The following OSBPL3 variants were observed in gnomAD, a reference collection of about 807,000 sequenced individuals.
The protein encoded by OSBPL3 is oxysterol binding protein like 3.
In OSBPL3, 65 loss-of-function variants were observed where a neutral mutation model predicts 120.1. That is an observed-to-expected ratio of 0.54 (90% CI 0.44 to 0.67). OSBPL3 has a LOEUF of 0.67. OSBPL3 is among the 30% of genes least tolerant of loss of function. The pLI, the probability that OSBPL3 is intolerant of heterozygous loss-of-function variation, is 0.00. For synonymous variants in OSBPL3, 416 were observed against 402.6 expected (o/e 1.03, Z -0.40); for missense variants, 1,004 against 1,082.1 (o/e 0.93, Z 1.01).
In OSBPL3 at chr7:24,980,154, C is replaced by G. The variant is rs568843917; in HGVS notation, c.-418G>C. ...GGGCGCCACCAGCACGCGGCCAGTT[C>G]TGAGTACTTTGCCCAGAACTTCTCG... On this transcript the variant is annotated 5_prime_UTR_variant, in exon 1 of 23. Transcript: ENST00000313367. 2 of 581,624 alleles carry G rather than the reference C, an allele frequency of 3.4e-6. No homozygotes were observed. Among genetic ancestry groups the G allele is most frequent in the African/African-American group, 4.0e-5 (2 of 49,672 alleles). The allele number at this position is 581,624 out of a possible 1,614,324, so 36.0% of individuals were successfully genotyped here.
intron 1 of OSBPL3, among the ~76,000 whole-genome samples, chr7:24,948,611 TC>T (rs1814024720): frequency 6.6e-6 from 1 of 152,236 alleles, no homozygotes; most frequent in South Asian, 2.1e-4. Context: ...GATGTCTCCA[TC>T]TTTTCTTTGA....
intron 2 of OSBPL3, among the ~76,000 whole-genome samples, chr7:24,886,105 A>G (rs185165357): frequency 6.6e-4 from 101 of 152,282 alleles, no homozygotes; most frequent in Non-Finnish European, 1.1e-3. Flanking sequence ...ATGTTTATTC[A>G]TTCATTAATT....
rs575232633 is a variant in OSBPL3 at position 24,872,902 on chromosome 7, A to C, written c.97-833T>G. ...ATTGCTAATCACCCCAAGATAAACC[A>C]AAAGTAGCAATACTTCAGTGACTGG... On this transcript the variant is annotated intron_variant, in intron 2 of 22. Transcript: ENST00000313367. This position sits in a 1 kb window ranked among gnomAD's most constrained non-coding sequence, Gnocchi z 4.1. Among the ~76,000 whole-genome samples, 6 of 152,336 alleles carry C rather than the reference A, an allele frequency of 3.9e-5. No individual in the cohort carries two copies. The highest frequency in any genetic ancestry group is 8.8e-5 in the Non-Finnish European group (6 of 68,018).
chr7:24,807,517 T>TAAC (rs1562753397), intron 20 of OSBPL3, among the ~76,000 whole-genome samples: 6 of 151,268 alleles, frequency 4.0e-5, no homozygotes, highest in East Asian at 1.9e-4. Context: ...ATAATAATAA[T>TAAC]AACAACAATA....
In OSBPL3 at chr7:24,967,325, T is replaced by C. The variant is rs185106106; in HGVS notation, c.-150+12561A>G. Among the ~76,000 whole-genome samples the C allele has an allele frequency of 2.2e-4, 34 of 152,330 alleles. No homozygotes were observed. The highest frequency in any genetic ancestry group is 2.1e-3 in the Admixed American group (32 of 15,298). On this transcript the variant is annotated intron_variant, in intron 1 of 22. Coordinates refer to ENST00000313367, the MANE Select transcript of OSBPL3 (RefSeq NM_015550.4). The surrounding 1 kb of genome is among the most constrained non-coding windows in gnomAD (Gnocchi z 5.6). ...TTCCCATGAATTCTTACCCTACAGC[T>C]GCAAGGGATAACACTGTTTTCACCT...
chr7:24,905,140 G>GA (rs1252301539), intron 1 of OSBPL3, among the ~76,000 whole-genome samples: 2 of 151,920 alleles, frequency 1.3e-5, no homozygotes, highest in African/African-American at 4.8e-5. Flanking sequence ...TGCACAAATA[G>GA]AAGATAAGCT....
rs1302464532 is a variant in OSBPL3 at position 24,797,906 on chromosome 7, G to C, written c.*2277C>G. 3 of 151,888 alleles carry C rather than the reference G, an allele frequency of 2.0e-5. No homozygotes were observed. The East Asian group carries it at 5.8e-4, about 29-fold the overall frequency. 9.4% of individuals were successfully genotyped at this position (151,888 alleles called of 1,614,324 possible). The stretch of plus-strand genomic sequence containing the variant: ...TAAAATGTCCTAGAGACATACATTT[G>C]GGGGAAAGATGCTTTTGAGAAAAGG... On this transcript the variant is annotated 3_prime_UTR_variant, in exon 23 of 23. Coordinates refer to ENST00000313367, the MANE Select transcript of OSBPL3 (RefSeq NM_015550.4). This position sits in a 1 kb window ranked among gnomAD's most constrained non-coding sequence, Gnocchi z 4.8.
chr7:24,913,650 G>T lies in OSBPL3; in HGVS notation c.-149-21029C>A, dbSNP rs575212188. 2.0e-5 allele frequency among the ~76,000 whole-genome samples: 3 copies of T among 152,186 alleles called. No homozygotes were observed. The South Asian group carries it at 6.2e-4, about 32-fold the overall frequency. On this transcript the variant is annotated intron_variant, in intron 1 of 22. Coordinates refer to ENST00000313367, the MANE Select transcript of OSBPL3 (RefSeq NM_015550.4). The surrounding 1 kb of genome is among the most constrained non-coding windows in gnomAD (Gnocchi z 5.3). ...ACACATGAACCCCTTAAAAACCCTG[G>T]AAACATTCCTTTCAGCCCAGACCTC...
intron 19 of OSBPL3, among the ~76,000 whole-genome samples, 172 bp downstream of exon 19, chr7:24,814,887 C>T (rs1794279512): frequency 1.3e-5 from 2 of 152,182 alleles, no homozygotes; most frequent in African/African-American, 4.8e-5. Context: ...CCAGGAGGGG[C>T]CATTGCCCTG....
At chr7:24,958,958 C>T (rs1815397787) in intron 1 of OSBPL3, among the ~76,000 whole-genome samples, 1 of 152,104 alleles carries the variant, frequency 6.6e-6, no homozygotes, top group African/African-American at 2.4e-5. Flanking sequence ...CTGGCTGGGA[C>T]TTGAATGACT....
At chr7:24,832,509 C>CA (rs1191532612) in intron 15 of OSBPL3, among the ~76,000 whole-genome samples, 17,064 of 94,074 alleles carry the variant, frequency 0.18, 2,277 homozygotes, top group Non-Finnish European at 0.27. Context: ...GACTCTGCCT[C>CA]AAAGAAAAAA....
Position 24,896,788 on chromosome 7 carries a change from T to A in OSBPL3, c.-149-4167A>T, listed in dbSNP as rs971722510. On this transcript the variant is annotated intron_variant, in intron 1 of 22. Coordinates refer to ENST00000313367, the MANE Select transcript of OSBPL3 (RefSeq NM_015550.4). The surrounding 1 kb of genome is among the most constrained non-coding windows in gnomAD (Gnocchi z 4.4). ...AGCCACCCCAGAAAATTAGAAGGATTTGGCCAGGTGGAGTGGCTCATGCCT... is the reference window on the plus strand; with the variant it reads ...AGCCACCCCAGAAAATTAGAAGGATATGGCCAGGTGGAGTGGCTCATGCCT... Among the ~76,000 whole-genome samples, 1 of 152,156 alleles carries A rather than the reference T, an allele frequency of 6.6e-6. No individual in the cohort carries two copies. The highest frequency in any genetic ancestry group is 1.5e-5 in the Non-Finnish European group (1 of 68,026).
intron 19 of OSBPL3, among the ~76,000 whole-genome samples, chr7:24,814,062 A>G (rs1794165963): frequency 6.6e-6 from 1 of 152,172 alleles, no homozygotes; most frequent in African/African-American, 2.4e-5. Flanking sequence ...AAACACACAC[A>G]GCAACGATGA....
chr7:24,903,390 C>CT (rs1807355878), intron 1 of OSBPL3, among the ~76,000 whole-genome samples: 1 of 152,252 alleles, frequency 6.6e-6, no homozygotes, highest in Non-Finnish European at 1.5e-5. Context: ...ATGTTGCTTA[C>CT]TACTAGCCTT....
chr7:24,823,860 T>C (rs1795395703), intron 16 of OSBPL3, among the ~76,000 whole-genome samples: 1 of 152,262 alleles, frequency 6.6e-6, no homozygotes, highest in Non-Finnish European at 1.5e-5. Context: ...TCTTTGTTGA[T>C]GGCAATCTTT....
chr7:24,835,032 T>C lies in OSBPL3; in HGVS notation c.1496-296A>G, dbSNP rs1796833245. 2.0e-5 allele frequency among the ~76,000 whole-genome samples: 3 copies of C among 152,230 alleles called. No homozygotes were observed. Among genetic ancestry groups the C allele is most frequent in the African/African-American group, 7.2e-5 (3 of 41,476 alleles). On this transcript the variant is annotated intron_variant, in intron 14 of 22. Transcript: ENST00000313367. This position sits in a 1 kb window ranked among gnomAD's most constrained non-coding sequence, Gnocchi z 4.8. The stretch of plus-strand genomic sequence containing the variant: ...AATAAAACTGGAAATTGGATTTCTA[T>C]GCCTATAGTTGCTTATTGTTTATAA...
Position 24,835,470 on chromosome 7 carries a change from T to TG in OSBPL3, c.1496-735dup, listed in dbSNP as rs1181975317. ...AATACTTATACACTACTGGCGGGAA[T>TG]GTAATTAGCTCAGCCATTGTGGAAA... On this transcript the variant is annotated intron_variant, in intron 14 of 22. Transcript: ENST00000313367. The surrounding 1 kb of genome is among the most constrained non-coding windows in gnomAD (Gnocchi z 4.8). Among the ~76,000 whole-genome samples the TG allele has an allele frequency of 2.0e-5, 3 of 152,148 alleles. No individual in the cohort carries two copies. Among genetic ancestry groups the TG allele is most frequent in the African/African-American group, 7.2e-5 (3 of 41,440 alleles).
rs1806897911 is a variant in OSBPL3 at position 24,900,959 on chromosome 7, T to G, written c.-149-8338A>C. ...TGACTTGAGTCTGGGAGGCGGAGGT[T>G]GCAGTGAGCTGAGGTTTTGCCACTG... On this transcript the variant is annotated intron_variant, in intron 1 of 22. Coordinates refer to ENST00000313367, the MANE Select transcript of OSBPL3 (RefSeq NM_015550.4). The surrounding 1 kb of genome is among the most constrained non-coding windows in gnomAD (Gnocchi z 4.5). Among the ~76,000 whole-genome samples, 1 of 150,110 alleles carries G rather than the reference T, an allele frequency of 6.7e-6. No homozygotes were observed. The highest frequency in any genetic ancestry group is 2.5e-5 in the African/African-American group (1 of 40,714).
Position 24,881,816 on chromosome 7 carries a change from G to T in OSBPL3, c.97-9747C>A, listed in dbSNP as rs181626201. Among the ~76,000 whole-genome samples the T allele has an allele frequency of 3.7e-4, 56 of 152,292 alleles. 1 individual carries two copies. The East Asian group carries it at 8.1e-3, about 22-fold the overall frequency. ...CGCTCCCTCTGGAGGATCTCAGGGGGATTCATTCCTTGCTTCTCCCTCTGG... is the reference window on the plus strand; with the variant it reads ...CGCTCCCTCTGGAGGATCTCAGGGGTATTCATTCCTTGCTTCTCCCTCTGG... On this transcript the variant is annotated intron_variant, in intron 2 of 22. Transcript: ENST00000313367. The surrounding 1 kb of genome is among the most constrained non-coding windows in gnomAD (Gnocchi z 4.3).
Sources: gnomAD v4.1 joint callset for allele counts (sites outside exome capture counted in the v4.1 genomes callset) on GRCh38, gnomAD v4.1.1 for gene constraint, Gnocchi (gnomAD v3.1) non-coding constraint, MANE v1.5 for transcripts, NCBI Gene and HGNC (gene_info 2026-07-23, HGNC 2026-07-21) for gene names.